Variants in NXPH1 observed in about 807,000 individuals in gnomAD.
NXPH1 encodes the protein neurexophilin-1.
NXPH1 carries 5 observed loss-of-function variants against 23.7 expected under a neutral mutation model. The ratio of observed to expected loss-of-function variants is 0.21; its 90% CI spans 0.11 to 0.44. The LOEUF is 0.44. Among genes scored for constraint, NXPH1 ranks in the 20% least tolerant of loss-of-function variants. The pLI is 0.99. For synonymous variants in NXPH1, 144 were observed against 122.2 expected, an observed-to-expected ratio of 1.18 and a Z score of -1.18; for missense variants, 324 against 321.6, an observed-to-expected ratio of 1.01 and a Z score of -0.06.
chr7:8,496,598 C>G (rs1817342103), intron 2 of NXPH1, among the ~76,000 whole-genome samples: 1 of 151,842 alleles, frequency 6.6e-6, no homozygotes, highest in African/African-American at 2.4e-5. Flanking sequence ...AAGGGTGGTC[C>G]CCAGACAGGC....
At chr7:8,614,717 A>G (rs1209381502) in intron 2 of NXPH1, among the ~76,000 whole-genome samples, 1 of 152,002 alleles carries the variant, frequency 6.6e-6, no homozygotes, top group African/African-American at 2.4e-5. Flanking sequence ...TGCCATAAAT[A>G]TTTTAGAAAC....
chr7:8,691,973 T>C (rs562962779), intron 2 of NXPH1, among the ~76,000 whole-genome samples: 1 of 152,180 alleles, frequency 6.6e-6, no homozygotes, highest in African/African-American at 2.4e-5. Context: ...CAAGGGGCAC[T>C]AGTCAAGCAA....
At chr7:8,444,354 A>G (rs1816360430) in intron 2 of NXPH1, among the ~76,000 whole-genome samples, 1 of 152,184 alleles carries the variant, frequency 6.6e-6, no homozygotes, top group Non-Finnish European at 1.5e-5. Flanking sequence ...CCTCGGAGGT[A>G]TTCTCTGAGG....
intron 2 of NXPH1, among the ~76,000 whole-genome samples, chr7:8,674,429 A>T (rs903191266): frequency 3.9e-5 from 6 of 152,146 alleles, no homozygotes; most frequent in Non-Finnish European, 8.8e-5. Context: ...GACCTCTGCT[A>T]TATTTTATGT....
chr7:8,479,178 A>G (rs1817030709), intron 2 of NXPH1, among the ~76,000 whole-genome samples: 1 of 152,132 alleles, frequency 6.6e-6, no homozygotes, highest in African/African-American at 2.4e-5. Context: ...ATAAAACAGC[A>G]GATTTAATAA....
intron 2 of NXPH1, among the ~76,000 whole-genome samples, chr7:8,465,389 T>C (rs1299838283): frequency 2.0e-5 from 3 of 152,184 alleles, no homozygotes; most frequent in Admixed American, 6.5e-5. Context: ...CCTGAAGGAT[T>C]AATTACCTTT....
chr7:8,631,993 G>C (rs1820139353), intron 2 of NXPH1, among the ~76,000 whole-genome samples: 1 of 152,088 alleles, frequency 6.6e-6, no homozygotes, highest in African/African-American at 2.4e-5. Flanking sequence ...TTCATGTGTA[G>C]GTTATAGGGT....
intron 2 of NXPH1, among the ~76,000 whole-genome samples, chr7:8,655,494 C>T (rs976990134): frequency 4.6e-5 from 3 of 65,854 alleles, no homozygotes; most frequent in Non-Finnish European, 9.9e-5. Flanking sequence ...CAGATATGTC[C>T]ATCACACGCA....
chr7:8,655,381 T>C (rs1373395869), intron 2 of NXPH1, among the ~76,000 whole-genome samples: 1 of 130,454 alleles, frequency 7.7e-6, no homozygotes, highest in African/African-American at 2.9e-5. Context: ...GGAGTCTGTC[T>C]CTGTCTTTGT....
chr7:8,591,405 C>T (rs1819090871), intron 2 of NXPH1, among the ~76,000 whole-genome samples: 1 of 152,028 alleles, frequency 6.6e-6, no homozygotes, highest in South Asian at 2.1e-4. Context: ...TCTTAGTTGA[C>T]TAAGATGGCT....
At position 8,503,067 on chromosome 7, in the gene NXPH1, T is replaced by G. The variant is rs542827859; in HGVS notation, c.54+67300T>G. Among the ~76,000 whole-genome samples, 34 of 152,106 alleles carry G rather than the reference T, an allele frequency of 2.2e-4. No individual in the cohort carries two copies. The South Asian group carries it at 4.8e-3, about 21-fold the overall frequency. On this transcript the variant is annotated intron_variant, in intron 2 of 2. Transcript: ENST00000405863. ...AAAATGTCTTTTTAGTGCCCTTTCATGATGGTGCTTTGCTTACACCAGCTG... is the reference window on the plus strand; with the variant it reads ...AAAATGTCTTTTTAGTGCCCTTTCAGGATGGTGCTTTGCTTACACCAGCTG...
intron 2 of NXPH1, among the ~76,000 whole-genome samples, chr7:8,494,214 T>C (rs1817299017): frequency 8.0e-6 from 1 of 125,578 alleles, no homozygotes; most frequent in African/African-American, 2.6e-5. Context: ...AGGAGAATGA[T>C]TTTTTTTGGC....
chr7:8,607,486 A>G lies in NXPH1; in HGVS notation c.55-143522A>G, dbSNP rs907848441. Among the ~76,000 whole-genome samples, 3 of 152,318 alleles carry G rather than the reference A, an allele frequency of 2.0e-5. No homozygotes were observed. In the South Asian group the frequency reaches 6.2e-4, roughly 32 times the overall value. On this transcript the variant is annotated intron_variant, in intron 2 of 2. Coordinates refer to ENST00000405863, the MANE Select transcript of NXPH1 (RefSeq NM_152745.3). ...TGATCATGTTATCAGTATAATTACTACAGACCACATTTTGCCCTTGGCTAT... is the reference window on the plus strand; with the variant it reads ...TGATCATGTTATCAGTATAATTACTGCAGACCACATTTTGCCCTTGGCTAT...
chr7:8,522,398 A>G (rs1429881217), intron 2 of NXPH1, among the ~76,000 whole-genome samples: 1 of 152,232 alleles, frequency 6.6e-6, no homozygotes, highest in Admixed American at 6.5e-5. Flanking sequence ...ATTGAATGTG[A>G]TGACTAATTA....
intron 2 of NXPH1, among the ~76,000 whole-genome samples, chr7:8,589,342 A>G (rs922849509): frequency 2.0e-5 from 3 of 152,122 alleles, no homozygotes; most frequent in East Asian, 1.9e-4. Flanking sequence ...TTTGAGCAAG[A>G]CTTCTGAAAA....
At chr7:8,459,631 C>T (rs1051101334) in intron 2 of NXPH1, among the ~76,000 whole-genome samples, 1 of 152,230 alleles carries the variant, frequency 6.6e-6, no homozygotes, top group East Asian at 1.9e-4. Flanking sequence ...GCTTTGATTC[C>T]AGTCTACTAA....
chr7:8,725,780 G>T (rs1429868561), intron 2 of NXPH1, among the ~76,000 whole-genome samples: 1 of 151,360 alleles, frequency 6.6e-6, no homozygotes, highest in East Asian at 1.9e-4. Context: ...GTGTGGAGAG[G>T]CTCTATTTCC....
In NXPH1 at chr7:8,562,237, G is replaced by A. The variant is rs570942635; in HGVS notation, c.54+126470G>A. Among the ~76,000 whole-genome samples the A allele has an allele frequency of 5.3e-5, 8 of 151,810 alleles. No homozygotes were observed. In the East Asian group the frequency reaches 1.4e-3, roughly 26 times the overall value. ...CAGCTTCCTCCCAAGAGATTGAAGA[G>A]GCTTTTTAAGAAGAGGTTGGAACAG... On this transcript the variant is annotated intron_variant, in intron 2 of 2. Coordinates refer to ENST00000405863, the MANE Select transcript of NXPH1 (RefSeq NM_152745.3).
intron 2 of NXPH1, among the ~76,000 whole-genome samples, chr7:8,476,249 G>A (rs1428154856): frequency 3.3e-5 from 5 of 152,042 alleles, no homozygotes; most frequent in African/African-American, 1.2e-4. Context: ...CACTCTGAGC[G>A]GTGCAAGTGA....
Sources: gnomAD v4.1 joint callset for allele counts (sites outside exome capture counted in the v4.1 genomes callset) on GRCh38, gnomAD v4.1.1 for gene constraint, MANE v1.5 for transcripts, NCBI Gene and HGNC (gene_info 2026-07-23, HGNC 2026-07-21) for gene names.